LRCH4: variants seen among roughly 807,000 people sequenced by gnomAD.
The protein encoded by LRCH4 is leucine rich repeats and calponin homology domain containing 4.
In LRCH4, 56 loss-of-function variants were observed where a neutral mutation model predicts 81.2. The observed-to-expected ratio is 0.69, with a 90% CI of 0.56 to 0.86. LRCH4 has a LOEUF of 0.86. Ranked by LOEUF, LRCH4 falls within the 40% of genes least tolerant of loss-of-function variation. LRCH4 has a pLI of 0.00. For synonymous variants in LRCH4, 442 were observed against 409.7 expected (o/e 1.08, Z -0.95); for missense variants, 895 against 922.8 (o/e 0.97, Z 0.39).
rs1179108228 is a variant in LRCH4, at chr7:100,578,210, G to C, written c.897C>G (p.Asp299Glu). ...FPGHRYDGGL[D>E]SGFHSVDSGS... ...CACTATCAACGCTGTGGAAGCCTGA[G>C]TCCAGCCCACCATCGTACCGATGTC... The change falls in exon 7 of 18, where the codon GAC becomes GAG. Residue 299 changes from aspartate to glutamate, a missense_variant. Physicochemically the swap from Asp to Glu is conservative, Grantham distance 45. Transcript: ENST00000310300. This position sits in a 1 kb window ranked among gnomAD's most constrained non-coding sequence, Gnocchi z 5.7. 6.2e-7 allele frequency: 1 copy of C among 1,614,226 alleles called. No homozygotes were observed. Among genetic ancestry groups the C allele is most frequent in the Admixed American group, 1.7e-5 (1 of 60,030 alleles).
chr7:100,581,649 C>T (rs1171607684), intron 4 of LRCH4, 128 bp downstream of exon 4: 2 of 774,098 alleles, frequency 2.6e-6, no homozygotes, highest in Non-Finnish European at 4.3e-6. Context: ...ACTTCAGCTT[C>T]CAGAACTGTG....
At position 100,575,522 on chromosome 7, in the gene LRCH4, T is replaced by TGTGTAGGACAGGTGAC. The variant is rs1411936653; in HGVS notation, c.1854+167_1854+182dup. Reference sequence around the variant, plus strand: ...AAGATGGGGCCTGCAGGGCAGGGGATGTGTAGGACAGGTGACATGCAGGGC... The same window carrying TGTGTAGGACAGGTGAC: ...AAGATGGGGCCTGCAGGGCAGGGGATGTGTAGGACAGGTGACGTGTAGGACAGGTGACATGCAGGGC... On this transcript the variant is annotated intron_variant, in intron 17 of 17. Coordinates refer to ENST00000310300, the MANE Select transcript of LRCH4 (RefSeq NM_002319.5). The surrounding 1 kb of genome is among the most constrained non-coding windows in gnomAD (Gnocchi z 5.3). 2 of 870,576 alleles carry TGTGTAGGACAGGTGAC rather than the reference T, an allele frequency of 2.3e-6. No individual in the cohort carries two copies. The highest frequency in any genetic ancestry group is 2.7e-5 in the South Asian group (2 of 75,248). 53.9% of individuals were successfully genotyped at this position (870,576 alleles called of 1,614,324 possible).
intron 4 of LRCH4, chr7:100,581,504 T>C: frequency 2.6e-6 from 1 of 386,380 alleles, no homozygotes; most frequent in East Asian, 5.2e-5. Flanking sequence ...CAGTGAGATT[T>C]GTGCTCCTTT....
In LRCH4 at chr7:100,575,725, G is replaced by T. The variant is rs375508989; in HGVS notation, c.1834C>A (p.Arg612=). The T allele has an allele frequency of 1.2e-6, 2 of 1,613,882 alleles. No homozygotes were observed. The highest frequency in any genetic ancestry group is 2.2e-5 in the South Asian group (2 of 91,032). The stretch of plus-strand genomic sequence containing the variant: ...CATACCTCAGGCACCCCCATTTTTC[G>T]ACAGGCTTCTAGAAAACTCTCCACA... ...KNVESFLEAC[R]KMGVPEADLC... Residue 612 remains arginine (R), a synonymous_variant, in exon 17 of 18, where the codon CGA becomes AGA. Coordinates refer to ENST00000310300, the MANE Select transcript of LRCH4 (RefSeq NM_002319.5). The surrounding 1 kb of genome is among the most constrained non-coding windows in gnomAD (Gnocchi z 5.3).
Position 100,578,009 on chromosome 7 carries a change from T to C in LRCH4, c.949-97A>G. The C allele has an allele frequency of 1.5e-6, 2 of 1,319,014 alleles. No homozygotes were observed. The highest frequency in any genetic ancestry group is 1.8e-4 in the Middle Eastern group (1 of 5,488). 81.7% of individuals were successfully genotyped at this position (1,319,014 alleles called of 1,614,324 possible). On this transcript the variant is annotated intron_variant, in intron 7 of 17. Coordinates refer to ENST00000310300, the MANE Select transcript of LRCH4 (RefSeq NM_002319.5). This position sits in a 1 kb window ranked among gnomAD's most constrained non-coding sequence, Gnocchi z 5.7. Reference sequence around the variant, plus strand: ...GTGGGACTAAGCTCAGGGTCTCTGCTGAGCCAGCCCTTCCCTGGGATGCTG... The same window carrying C: ...GTGGGACTAAGCTCAGGGTCTCTGCCGAGCCAGCCCTTCCCTGGGATGCTG...
In LRCH4 at chr7:100,578,472, A is replaced by G; in HGVS notation, c.775T>C (p.Ser259Pro). 1 of 1,614,092 alleles carries G rather than the reference A, an allele frequency of 6.2e-7. No individual in the cohort carries two copies. The highest frequency in any genetic ancestry group is 8.5e-7 in the Non-Finnish European group (1 of 1,179,996). ...KGKLHIFKYLSTEAGQRGSAL... is the reference protein window; with the variant it reads ...KGKLHIFKYLPTEAGQRGSAL... The stretch of plus-strand genomic sequence containing the variant: ...GACCCACGCTGCCCGGCCTCTGTGG[A>G]CAAATACTTGAAGATGTGAAGTTTC... The change falls in exon 6 of 18, where the codon TCC (serine) becomes CCC (proline). Residue 259 changes from serine (S) to proline (P), a missense_variant. Coordinates refer to ENST00000310300, the MANE Select transcript of LRCH4 (RefSeq NM_002319.5). The surrounding 1 kb of genome is among the most constrained non-coding windows in gnomAD (Gnocchi z 5.7).
chr7:100,576,054 G>A lies in LRCH4; in HGVS notation c.1639-46C>T, dbSNP rs571252850. 2.5e-5 allele frequency: 40 copies of A among 1,570,132 alleles called. 1 individual carries two copies. The highest frequency in any genetic ancestry group is 1.3e-4 in the South Asian group (11 of 87,162). ...GAGCAGGGGTCAGGGAAGGAGAGGC[G>A]TCTGGGAGGCAGGGAGAGTGGGGGG... On this transcript the variant is annotated intron_variant, in intron 15 of 17. Coordinates refer to ENST00000310300, the MANE Select transcript of LRCH4 (RefSeq NM_002319.5).
At position 100,574,926 on chromosome 7, in the gene LRCH4, C is replaced by T; in HGVS notation, c.*181G>A. Reference sequence around the variant, plus strand: ...ACTCGTGGGGCTACTGGAGGGAGGCCAGAGGCTGGGGGCCCAGGGTCTGGG... The same window carrying T: ...ACTCGTGGGGCTACTGGAGGGAGGCTAGAGGCTGGGGGCCCAGGGTCTGGG... On this transcript the variant is annotated 3_prime_UTR_variant, in exon 18 of 18. Transcript: ENST00000310300. 1 of 602,822 alleles carries T rather than the reference C, an allele frequency of 1.7e-6. No individual in the cohort carries two copies. The highest frequency in any genetic ancestry group is 2.9e-6 in the Non-Finnish European group (1 of 346,448). The allele number at this position is 602,822 out of a possible 1,614,324, so 37.3% of individuals were successfully genotyped here. A position where few individuals can be genotyped will look rare whatever the true frequency, so the allele number is the denominator to read the frequency against.
rs1218491750 is a variant in LRCH4, at chr7:100,575,788, G to A, written c.1777-6C>T. 4 of 1,607,938 alleles carry A rather than the reference G, an allele frequency of 2.5e-6. No homozygotes were observed. The highest frequency in any genetic ancestry group is 2.2e-5 in the East Asian group (1 of 44,744). ...TTGAGGGCACTGAGTTTTGGCTGGG[G>A]TGGGTGAAAGAAGAAAATGTGGTAA... On this transcript the variant is annotated splice_polypyrimidine_tract_variant and splice_region_variant and intron_variant, in intron 16 of 17. Transcript: ENST00000310300. The surrounding 1 kb of genome is among the most constrained non-coding windows in gnomAD (Gnocchi z 5.3).
intron 4 of LRCH4, among the ~76,000 whole-genome samples, chr7:100,581,158 C>T (rs1801545027): frequency 6.6e-6 from 1 of 152,190 alleles, no homozygotes; most frequent in Admixed American, 6.5e-5. Context: ...GCCAGTCTAC[C>T]TAGAGCTGAT....
rs1304895039 is a variant in LRCH4, at chr7:100,585,991, G to A, written c.110C>T (p.Ala37Val). ...CCCGGTGGCCACGGCCTCCTCTAGGGCCCGCTCTGCACTGCGTCTCCCCGG... is the reference window on the plus strand; with the variant it reads ...CCCGGTGGCCACGGCCTCCTCTAGGACCCGCTCTGCACTGCGTCTCCCCGG... ...GLPGRRSAER[A>V]LEEAVATGTL... Residue 37 changes from alanine to valine, a missense_variant, in exon 1 of 18, where the codon GCC becomes GTC. Around this residue, in one of 3 missense-constraint regions of LRCH4, gnomAD observed 360 missense variants for 397.0 expected, o/e 0.91. Transcript: ENST00000310300. The A allele has an allele frequency of 6.2e-7, 1 of 1,611,836 alleles. No individual in the cohort carries two copies. The highest frequency in any genetic ancestry group is 1.3e-5 in the African/African-American group (1 of 74,750).
In LRCH4 at chr7:100,577,829, A is replaced by G; in HGVS notation, c.1032T>C (p.Asp344=). The G allele has an allele frequency of 2.5e-6, 4 of 1,612,936 alleles. No homozygotes were observed. Among genetic ancestry groups the G allele is most frequent in the Non-Finnish European group, 2.5e-6 (3 of 1,179,066 alleles). The change falls in exon 8 of 18, where the codon GAT becomes GAC. Residue 344 remains aspartate, a synonymous_variant. Transcript: ENST00000310300. This position sits in a 1 kb window ranked among gnomAD's most constrained non-coding sequence, Gnocchi z 6.7. ...GCCAGCCCTGCTACTCACCTGAGCC[A>G]TCCTCCTTGCGTTCTCTGGGTCCCC... The part of the protein sequence containing the change: ...EPRGPRERKE[D]GSADGDPVQI...
At chr7:100,579,103 G>C (rs1358860655) in intron 4 of LRCH4, 1 of 383,186 alleles carries the variant, frequency 2.6e-6, no homozygotes, top group Non-Finnish European at 4.8e-6. Flanking sequence ...CTCCACACTC[G>C]AACCCACCCT....
In LRCH4 at chr7:100,577,502, G is replaced by A. The variant is rs1801409762; in HGVS notation, c.1173C>T (p.Ser391=). 3 of 1,608,900 alleles carry A rather than the reference G, an allele frequency of 1.9e-6. No homozygotes were observed. Among genetic ancestry groups the A allele is most frequent in the Admixed American group, 1.7e-5 (1 of 60,026 alleles). The part of the protein sequence containing the change: ...PGAGDRERAP[S]SRREEPAGEE... The stretch of plus-strand genomic sequence containing the variant: ...AGTTTGGGGGCTTGGGGTACCTGCT[G>A]CTTGGTGCCCTCTCCCTGTCCCCTG... Residue 391 remains serine, a synonymous_variant, in exon 10 of 18, where the codon AGC becomes AGT. Transcript: ENST00000310300. The surrounding 1 kb of genome is among the most constrained non-coding windows in gnomAD (Gnocchi z 6.7).
Position 100,575,827 on chromosome 7 carries a change from G to A in LRCH4, c.1776+44C>T, listed in dbSNP as rs1441815095. 2 of 1,608,386 alleles carry A rather than the reference G, an allele frequency of 1.2e-6. No homozygotes were observed. Among genetic ancestry groups the A allele is most frequent in the Admixed American group, 1.7e-5 (1 of 59,726 alleles). On this transcript the variant is annotated intron_variant, in intron 16 of 17. Coordinates refer to ENST00000310300, the MANE Select transcript of LRCH4 (RefSeq NM_002319.5). This position sits in a 1 kb window ranked among gnomAD's most constrained non-coding sequence, Gnocchi z 5.3. ...AAAATGTGGTAAGGGAGAGGCCACAGGCGCCCCGGCCCATCCCCCACCTCT... is the reference window on the plus strand; with the variant it reads ...AAAATGTGGTAAGGGAGAGGCCACAAGCGCCCCGGCCCATCCCCCACCTCT...
chr7:100,577,079 A>G lies in LRCH4; in HGVS notation c.1364+7T>C. On this transcript the variant is annotated splice_region_variant and intron_variant, in intron 12 of 17. Coordinates refer to ENST00000310300, the MANE Select transcript of LRCH4 (RefSeq NM_002319.5). The surrounding 1 kb of genome is among the most constrained non-coding windows in gnomAD (Gnocchi z 6.7). ...GAGTGGGGAGGGGATGCTGGCAGGA[A>G]ACCTACTTGTGCATGGCTTGAGTGG... is the stretch of plus-strand genomic sequence containing the variant. The G allele has an allele frequency of 6.2e-7, 1 of 1,614,060 alleles. No homozygotes were observed. Among genetic ancestry groups the G allele is most frequent in the Non-Finnish European group, 8.5e-7 (1 of 1,179,976 alleles).
chr7:100,584,397 C>T (rs1477653644), intron 1 of LRCH4, among the ~76,000 whole-genome samples: 2 of 151,792 alleles, frequency 1.3e-5, no homozygotes, highest in Admixed American at 6.6e-5. Flanking sequence ...CACGGCTGCA[C>T]CCTGAGCCGG....
chr7:100,578,290 G>A lies in LRCH4; in HGVS notation c.849-32C>T. 1 of 1,607,894 alleles carries A rather than the reference G, an allele frequency of 6.2e-7. No individual in the cohort carries two copies. The highest frequency in any genetic ancestry group is 2.2e-5 in the East Asian group (1 of 44,852). ...CCAGCCAGGCGGATCTGGTCAGCCT[G>A]ATGCTGGACAACAGCCCCCCATCCT... On this transcript the variant is annotated intron_variant, in intron 6 of 17. Coordinates refer to ENST00000310300, the MANE Select transcript of LRCH4 (RefSeq NM_002319.5). This position sits in a 1 kb window ranked among gnomAD's most constrained non-coding sequence, Gnocchi z 5.7.
chr7:100,576,451 A>T (rs140196159), intron 14 of LRCH4, 128 bp from the exon 15 acceptor site: 5 of 704,548 alleles, frequency 7.1e-6, no homozygotes, highest in African/African-American at 1.8e-5. Flanking sequence ...TTTCATGGAG[A>T]TGGGGTCTCG....
Sources: allele counts gnomAD v4.1 joint callset (sites outside exome capture counted in the v4.1 genomes callset), GRCh38; gene constraint gnomAD v4.1.1; regional missense constraint gnomAD v4.1.1; non-coding constraint Gnocchi (gnomAD v3.1); transcripts MANE v1.5; gene names NCBI Gene and HGNC (gene_info 2026-07-23, HGNC 2026-07-21).